Variants in KCNJ4 observed in about 807,000 individuals in gnomAD.
The protein encoded by KCNJ4 is potassium inwardly rectifying channel subfamily J member 4.
In KCNJ4, 3 loss-of-function variants were observed where a neutral mutation model predicts 25.6. The observed-to-expected ratio is 0.12, with a 90% confidence interval of 0.05 to 0.30. KCNJ4 has a LOEUF of 0.30. Among genes scored for constraint, KCNJ4 ranks in the 10% least tolerant of loss-of-function variants. The pLI is 1.00. For synonymous variants in KCNJ4, 257 were observed against 283.9 expected (o/e 0.91, Z 0.95); for missense variants, 286 against 666.8 (o/e 0.43, Z 6.29).
chr22:38,435,996 C>T (rs542063564), intron 1 of KCNJ4, among the ~76,000 whole-genome samples: 121 of 152,034 alleles, frequency 8.0e-4, no homozygotes, highest in African/African-American at 2.9e-3. Flanking sequence ...AGTCCCCTGT[C>T]CCTGGGAGGC....
rs564922313 is a variant in KCNJ4 at position 38,452,699 on chromosome 22, C to A, written c.-40+2281G>T. ...GGAGATGTGGAGGAGCAGAGAGGAG[C>A]CTGGGGTGGTGCAGGAGGAGCCCCC... On this transcript the variant is annotated intron_variant, in intron 1 of 1. Transcript: ENST00000303592. Among the ~76,000 whole-genome samples the A allele has an allele frequency of 1.2e-4, 18 of 152,128 alleles. No homozygotes were observed. In the South Asian group the frequency reaches 3.7e-3, roughly 32 times the overall value.
At chr22:38,431,173 G>A (rs138425277) in intron 1 of KCNJ4, among the ~76,000 whole-genome samples, 161 of 152,340 alleles carry the variant, frequency 1.1e-3, no homozygotes, top group African/African-American at 3.7e-3. Flanking sequence ...GGTTCCAGGG[G>A]ATCCCTGGTT....
In KCNJ4 at chr22:38,451,228, C is replaced by T. The variant is rs931340208; in HGVS notation, c.-40+3752G>A. On this transcript the variant is annotated intron_variant, in intron 1 of 1. Transcript: ENST00000303592. The stretch of plus-strand genomic sequence containing the variant: ...GGATTTTGGAAGTGGGGATGTTATT[C>T]GGCCTCACCCGTAAGGCGAGAGTCA... Among the ~76,000 whole-genome samples the T allele has an allele frequency of 3.3e-5, 5 of 152,278 alleles. No homozygotes were observed. The South Asian group carries it at 6.2e-4, about 19-fold the overall frequency.
chr22:38,450,411 G>C (rs2145949367), intron 1 of KCNJ4, among the ~76,000 whole-genome samples: 2 of 152,232 alleles, frequency 1.3e-5, no homozygotes, highest in African/African-American at 2.4e-5. Context: ...GTCACACAGA[G>C]AGCCACCCAA....
In KCNJ4 at chr22:38,426,456, A is replaced by C; in HGVS notation, c.*339T>G. On this transcript the variant is annotated 3_prime_UTR_variant, in exon 2 of 2. Transcript: ENST00000303592. ...ACCCCCTGCCCACCCTGAAACCCCG[A>C]GATGTCCCCCGCCCAGCAGTCCAGC... 7.0e-6 allele frequency: 1 copy of C among 142,680 alleles called. No individual in the cohort carries two copies. The highest frequency in any genetic ancestry group is 1.5e-5 in the Non-Finnish European group (1 of 67,448). 8.8% of individuals were successfully genotyped at this position (142,680 alleles called of 1,614,324 possible).
At chr22:38,440,313 G>A (rs1384685816) in intron 1 of KCNJ4, among the ~76,000 whole-genome samples, 1 of 152,102 alleles carries the variant, frequency 6.6e-6, no homozygotes, top group Non-Finnish European at 1.5e-5. Context: ...AGGCTGACGT[G>A]GGCAAATCAC....
At position 38,427,201 on chromosome 22, in the gene KCNJ4, T is replaced by C; in HGVS notation, c.932A>G (p.Glu311Gly). The C allele has an allele frequency of 6.2e-7, 1 of 1,613,406 alleles. No individual in the cohort carries two copies. Among genetic ancestry groups the C allele is most frequent in the Non-Finnish European group, 8.5e-7 (1 of 1,180,018 alleles). ...TQARSSYLAS[E>G]ILWGHRFEPV... is the part of the protein sequence containing the mutation. ...CTCAAAGCGGTGGCCCCACAGGATC[T>C]CGCTGGCCAGGTAGGAGCTGCGGGC... Residue 311 changes from glutamate to glycine, a missense_variant, in exon 2 of 2, where the codon GAG becomes GGG. Glu to Gly is a moderately conservative substitution (Grantham distance 98, BLOSUM62 -2). Around this residue, in one of 11 missense-constraint regions of KCNJ4, gnomAD observed 36 missense variants for 100.1 expected, o/e 0.36. Coordinates refer to ENST00000303592, the MANE Select transcript of KCNJ4 (RefSeq NM_152868.3).
In KCNJ4 at chr22:38,427,081, C is replaced by T. The variant is rs781279543; in HGVS notation, c.1052G>A (p.Arg351Gln). ...EVAGTPCCSA[R>Q]ELQESKITVL... ...GGTGATCTTACTCTCCTGCAGCTCC[C>T]GGGCCGAGCAGCAGGGCGTGCCGGC... The change falls in exon 2 of 2, where the codon CGG becomes CAG. Residue 351 changes from arginine to glutamine, a missense_variant. This residue lies in a region of KCNJ4 where 36 missense variants were observed against 100.1 expected (regional missense o/e 0.36). Transcript: ENST00000303592. The T allele has an allele frequency of 1.4e-5, 23 of 1,612,634 alleles. No individual in the cohort carries two copies. The highest frequency in any genetic ancestry group is 9.3e-5 in the African/African-American group (7 of 74,916).
chr22:38,429,862 T>G (rs1036978640), intron 1 of KCNJ4, among the ~76,000 whole-genome samples: 1 of 152,218 alleles, frequency 6.6e-6, no homozygotes. Flanking sequence ...TTCTGTTCTA[T>G]TCTTCTTCCT....
chr22:38,432,441 G>A (rs987328442), intron 1 of KCNJ4, among the ~76,000 whole-genome samples: 2 of 152,106 alleles, frequency 1.3e-5, no homozygotes, highest in East Asian at 1.9e-4. Context: ...TGTTTTCTGC[G>A]ATGGAGGCCC....
intron 1 of KCNJ4, among the ~76,000 whole-genome samples, chr22:38,431,303 T>A (rs1158002246): frequency 6.6e-6 from 1 of 152,142 alleles, no homozygotes; most frequent in Non-Finnish European, 1.5e-5. Flanking sequence ...GATCCCCTGA[T>A]GGCTACAGAG....
intron 1 of KCNJ4, among the ~76,000 whole-genome samples, chr22:38,446,817 A>T (rs1272440948): frequency 6.6e-6 from 1 of 152,038 alleles, no homozygotes. Context: ...TTAACCGAGC[A>T]TGGTGGTGCG....
At chr22:38,437,512 A>G (rs535194644) in intron 1 of KCNJ4, among the ~76,000 whole-genome samples, 137 of 152,290 alleles carry the variant, frequency 9.0e-4, no homozygotes, top group African/African-American at 3.2e-3. Flanking sequence ...GCTTCCACTC[A>G]GTTACTATGG....
intron 1 of KCNJ4, among the ~76,000 whole-genome samples, chr22:38,440,415 G>A (rs1446966916): frequency 3.3e-5 from 5 of 151,970 alleles, no homozygotes; most frequent in Non-Finnish European, 5.9e-5. Context: ...GGTGGTGCAT[G>A]CCTGTAATCC....
At chr22:38,451,200 C>T (rs1168337595) in intron 1 of KCNJ4, among the ~76,000 whole-genome samples, 2 of 152,176 alleles carry the variant, frequency 1.3e-5, no homozygotes, top group East Asian at 3.9e-4. Context: ...CCAAAGACTC[C>T]TAGGATTTTG....
intron 1 of KCNJ4, among the ~76,000 whole-genome samples, chr22:38,447,665 C>T (rs1042852412): frequency 1.3e-5 from 2 of 152,038 alleles, no homozygotes; most frequent in African/African-American, 2.4e-5. Flanking sequence ...GCCAACTCTG[C>T]CACCAACTTG....
rs2089354543 is a variant in KCNJ4, at chr22:38,443,806, C to T, written c.-40+11174G>A. 6.6e-6 allele frequency among the ~76,000 whole-genome samples: 1 copy of T among 152,154 alleles called. No homozygotes were observed. Among genetic ancestry groups the T allele is most frequent in the Non-Finnish European group, 1.5e-5 (1 of 68,026 alleles). On this transcript the variant is annotated intron_variant, in intron 1 of 1. Transcript: ENST00000303592. The surrounding 1 kb of genome is among the most constrained non-coding windows in gnomAD (Gnocchi z 4.1). ...ACCACCTCCTCCCACAGCCTCCACC[C>T]ACCTCCCGCAGTCCATCTCCACATC...
At chr22:38,433,814 G>C (rs983645461) in intron 1 of KCNJ4, among the ~76,000 whole-genome samples, 2 of 152,200 alleles carry the variant, frequency 1.3e-5, no homozygotes, top group African/African-American at 4.8e-5. Context: ...TGAGGAATTA[G>C]GGAGGGGCTG....
chr22:38,440,202 G>A (rs1407874758), intron 1 of KCNJ4, among the ~76,000 whole-genome samples: 2 of 152,068 alleles, frequency 1.3e-5, no homozygotes, highest in Non-Finnish European at 2.9e-5. Context: ...CTGAGCCCAG[G>A]AGTTTCAGAT....
Sources: gnomAD v4.1 joint callset for allele counts (sites outside exome capture counted in the v4.1 genomes callset) on GRCh38, gnomAD v4.1.1 for gene constraint, gnomAD v4.1.1 regional missense constraint, Gnocchi (gnomAD v3.1) non-coding constraint, MANE v1.5 for transcripts, NCBI Gene and HGNC (gene_info 2026-07-23, HGNC 2026-07-21) for gene names.